The following ZFAND2A variants were observed in gnomAD, a reference collection of about 807,000 sequenced individuals.
ZFAND2A encodes the protein zinc finger AN1-type containing 2A.
ZFAND2A carries 20 observed loss-of-function variants against 11.6 expected under a neutral mutation model. The observed-to-expected ratio is 1.72, with a 90% CI of 1.21 to 2.50. The LOEUF (loss-of-function observed/expected upper bound fraction) is 2.50. Ranked by LOEUF, ZFAND2A falls within the 30% of genes most tolerant of loss-of-function variation. The pLI, the probability that ZFAND2A is intolerant of heterozygous loss-of-function variation, is 0.00. For missense variants in ZFAND2A, 234 were observed against 182.9 expected, an observed-to-expected ratio of 1.28 and a Z score of -1.61; for synonymous variants, 93 against 60.6, an observed-to-expected ratio of 1.54 and a Z score of -2.48.
chr7:1,157,953 T>C (rs373380829), intron 2 of ZFAND2A, among the ~76,000 whole-genome samples: 22 of 152,274 alleles, frequency 1.4e-4, no homozygotes, highest in African/African-American at 4.6e-4. Flanking sequence ...AGCAGCCCCC[T>C]GGATCCACCT....
At chr7:1,152,299 G>T (rs950736658), downstream of ZFAND2A, 6 of 1,585,698 alleles carry the variant, frequency 3.8e-6, no homozygotes, top group African/African-American at 6.7e-5. Flanking sequence ...CCAGGGTGAG[G>T]AAATCTCCCA....
chr7:1,154,848 G>C (rs959339894), intron 4 of ZFAND2A, among the ~76,000 whole-genome samples: 2 of 152,198 alleles, frequency 1.3e-5, no homozygotes, highest in African/African-American at 4.8e-5. Flanking sequence ...AGCTGGGCGT[G>C]GTGGCTCACA....
intron 2 of ZFAND2A, 147 bp from the exon 3 acceptor site, chr7:1,157,897 G>A: frequency 2.7e-6 from 2 of 741,816 alleles, no homozygotes; most frequent in African/African-American, 1.8e-5. Flanking sequence ...ACAATCCCAG[G>A]GTCAGGCTGT....
At chr7:1,150,902 T>TTTTTTTTTTTTTTTTTTC (rs1457637386), downstream of ZFAND2A, among the ~76,000 whole-genome samples, 1 of 142,070 alleles carries the variant, frequency 7.0e-6, no homozygotes, top group Non-Finnish European at 1.5e-5. Context: ...TTTTTTTTTT[T>TTTTTTTTTTTTTTTTTTC]TTTGAGATTC....
downstream of ZFAND2A, chr7:1,152,447 T>C: frequency 1.5e-6 from 2 of 1,369,614 alleles, no homozygotes; most frequent in Non-Finnish European, 1.9e-6. Flanking sequence ...GGCCCAGGGA[T>C]GGACGCCAGA....
At chr7:1,151,762 T>TTA (rs1554344524), downstream of ZFAND2A, among the ~76,000 whole-genome samples, 9 of 87,178 alleles carry the variant, frequency 1.0e-4, no homozygotes, top group East Asian at 4.9e-4. Flanking sequence ...TCATCCCTTT[T>TTA]AAAAAAAAAA....
rs1403759892 is a variant in ZFAND2A at position 1,158,178 on chromosome 7, TC to T, written c.34del (p.Glu12LysfsTer7). 4 of 1,614,082 alleles carry T rather than the reference TC, an allele frequency of 2.5e-6. No homozygotes were observed. Among genetic ancestry groups the T allele is most frequent in the Admixed American group, 1.7e-5 (1 of 60,002 alleles). On this transcript the variant is annotated frameshift_variant, in exon 2 of 5. Transcript: ENST00000316495. LOFTEE classifies it high-confidence loss of function. ...CTCACCTAGCTGCTTGCAAGTCTTTTCTGAACAATGCTTCCCCAAATCAGGA... is the reference window on the plus strand; with the variant it reads ...CTCACCTAGCTGCTTGCAAGTCTTTTTGAACAATGCTTCCCCAAATCAGGA... ...EFPDLGKHCS[E>X]KTCKQLDFLP...
intron 4 of ZFAND2A, among the ~76,000 whole-genome samples, chr7:1,154,891 G>C (rs113630037): frequency 6.6e-6 from 1 of 152,076 alleles, no homozygotes; most frequent in African/African-American, 2.4e-5. Flanking sequence ...AGGCTGAGGC[G>C]GGCAGATCAT....
rs1345056769 is a variant in ZFAND2A at position 1,158,250 on chromosome 7, A to C, written c.-38T>G. The stretch of plus-strand genomic sequence containing the variant: ...GCTCAAAACGCAGATGGCGGAGTTA[A>C]GTGTCACCTACAAGAGAATCAGAAT... On this transcript the variant is annotated 5_prime_UTR_variant, in exon 2 of 5. Coordinates refer to ENST00000316495, the MANE Select transcript of ZFAND2A (RefSeq NM_182491.4). The C allele has an allele frequency of 6.3e-7, 1 of 1,592,604 alleles. No homozygotes were observed. Among genetic ancestry groups the C allele is most frequent in the African/African-American group, 1.3e-5 (1 of 74,488 alleles).
intron 1 of ZFAND2A, 94 bp from the exon 2 acceptor site, chr7:1,158,351 C>T (rs2128258977): frequency 7.7e-6 from 6 of 778,634 alleles, no homozygotes; most frequent in Non-Finnish European, 1.1e-5. Flanking sequence ...AGTCAACAAA[C>T]GCACTGTGTG....
chr7:1,154,772 A>AACC (rs1793482675), intron 4 of ZFAND2A, among the ~76,000 whole-genome samples: 2 of 152,252 alleles, frequency 1.3e-5, no homozygotes, highest in South Asian at 4.1e-4. Context: ...GGTAACCACC[A>AACC]ACCAGGACCC....
chr7:1,150,230 A>G (rs1393279615), downstream of ZFAND2A, among the ~76,000 whole-genome samples: 1 of 152,192 alleles, frequency 6.6e-6, no homozygotes, highest in African/African-American at 2.4e-5. Context: ...ATCGACAGAA[A>G]CATCGTTCCC....
intron 3 of ZFAND2A, 133 bp downstream of exon 3, chr7:1,157,522 TG>T: frequency 3.5e-6 from 3 of 850,954 alleles, no homozygotes; most frequent in African/African-American, 1.8e-5. Flanking sequence ...ACGAGGCTAG[TG>T]GGACTGAAAA....
downstream of ZFAND2A, among the ~76,000 whole-genome samples, chr7:1,152,689 G>A (rs1584023233): frequency 1.3e-5 from 2 of 152,264 alleles, no homozygotes; most frequent in Middle Eastern, 3.4e-3. Flanking sequence ...GCCATGTGAA[G>A]ATGAAGGTGG....
In ZFAND2A at chr7:1,159,801, G is replaced by A. The variant is rs982875450; in HGVS notation, c.-46+163C>T. Among the ~76,000 whole-genome samples the A allele has an allele frequency of 2.9e-5, 3 of 102,982 alleles. 1 individual carries two copies. Among genetic ancestry groups the A allele is most frequent in the Non-Finnish European group, 7.0e-5 (3 of 42,988 alleles). 67.6% of individuals were successfully genotyped at this position (102,982 alleles called of 152,430 possible). ...CCAGCAGCCAGACCCCGGCAGGCCC[G>A]GTCCCCAGCAGACAGGCCGGACCCC... On this transcript the variant is annotated intron_variant, in intron 1 of 4. Coordinates refer to ENST00000316495, the MANE Select transcript of ZFAND2A (RefSeq NM_182491.4).
chr7:1,154,959 A>G (rs946098677), intron 4 of ZFAND2A, among the ~76,000 whole-genome samples: 12 of 152,122 alleles, frequency 7.9e-5, no homozygotes, highest in African/African-American at 2.4e-4. Flanking sequence ...CTCTACTAAA[A>G]ATACAAAAGT....
Position 1,158,174 on chromosome 7 carries a change from C to G in ZFAND2A, c.39G>C (p.Lys13Asn), listed in dbSNP as rs774552625. The G allele has an allele frequency of 3.1e-6, 5 of 1,614,020 alleles. No homozygotes were observed. In the African/African-American group the frequency reaches 5.3e-5, roughly 17 times the overall value. ...AGTACTCACCTAGCTGCTTGCAAGT[C>G]TTTTCTGAACAATGCTTCCCCAAAT... ...FPDLGKHCSE[K>N]TCKQLDFLPV... The change falls in exon 2 of 5, where the codon AAG becomes AAC. Residue 13 changes from lysine to asparagine, a missense_variant. Lys to Asn is a moderately conservative substitution (Grantham distance 94, BLOSUM62 0). Coordinates refer to ENST00000316495, the MANE Select transcript of ZFAND2A (RefSeq NM_182491.4).
chr7:1,155,528 GC>G lies in ZFAND2A; in HGVS notation c.206del (p.Gly69AlafsTer?). 1 of 1,613,862 alleles carries G rather than the reference GC, an allele frequency of 6.2e-7. No individual in the cohort carries two copies. Among genetic ancestry groups the G allele is most frequent in the South Asian group, 1.1e-5 (1 of 91,060 alleles). On this transcript the variant is annotated frameshift_variant, in exon 4 of 5. Coordinates refer to ENST00000316495, the MANE Select transcript of ZFAND2A (RefSeq NM_182491.4). LOFTEE classifies it high-confidence loss of function. ...CACCAACCACCACGTCTGGTATCTG[GC>G]CCTTTTTTACTGGGATGGGGGTATT... ...LCNTPIPVKK[G>X]QIPDVVVGDH...
downstream of ZFAND2A, among the ~76,000 whole-genome samples, chr7:1,149,958 T>A (rs1379889724): frequency 2.6e-5 from 4 of 151,594 alleles, no homozygotes; most frequent in African/African-American, 7.3e-5. Flanking sequence ...GTTCAAGCGA[T>A]CCTCTTGCCT....
Sources: gnomAD v4.1 joint callset for allele counts (sites outside exome capture counted in the v4.1 genomes callset) on GRCh38, gnomAD v4.1.1 for gene constraint, MANE v1.5 for transcripts, NCBI Gene and HGNC (gene_info 2026-07-23, HGNC 2026-07-21) for gene names.